CSMD3: variants seen among roughly 807,000 people sequenced by gnomAD.
The protein encoded by CSMD3 is CUB and Sushi multiple domains 3.
Under a neutral mutation model 435.2 loss-of-function variants are expected in CSMD3, and 177 were observed. The ratio of observed to expected loss-of-function variants is 0.41; its 90% confidence interval spans 0.36 to 0.46. The LOEUF is 0.46. Among genes scored for constraint, CSMD3 ranks in the 20% least tolerant of loss-of-function variants. The probability of loss-of-function intolerance (pLI) is 0.34; values close to 1 mark genes in which losing one functional copy is unlikely to be tolerated. For synonymous variants in CSMD3, 1,656 were observed against 1,520.5 expected, an observed-to-expected ratio of 1.09 and a Z score of -2.07; for missense variants, 4,265 against 4,504.6, an observed-to-expected ratio of 0.95 and a Z score of 1.52.
At chr8:112,293,928 T>G (rs1820016557) in intron 54 of CSMD3, among the ~76,000 whole-genome samples, 1 of 152,084 alleles carries the variant, frequency 6.6e-6, no homozygotes, top group African/African-American at 2.4e-5. Context: ...AAGAAACCAG[T>G]TTTACCCTAA....
At chr8:112,320,097 A>G in intron 45 of CSMD3, 116 bp from the exon 46 acceptor site, 1 of 694,472 alleles carries the variant, frequency 1.4e-6, no homozygotes, top group Non-Finnish European at 2.5e-6. Flanking sequence ...AAATTACATA[A>G]TTTATCAAGT....
intron 22 of CSMD3, among the ~76,000 whole-genome samples, chr8:112,620,866 C>T (rs1039345889): frequency 7.9e-5 from 12 of 152,218 alleles, no homozygotes; most frequent in African/African-American, 1.9e-4. Flanking sequence ...ATTCTCTTTT[C>T]GCCTCCTCAT....
At position 112,798,108 on chromosome 8, in the gene CSMD3, C is replaced by T. The variant is rs147490730; in HGVS notation, c.1972+2054G>A. ...GGTCTTCTGTGATGGGTAGAGCTAA[C>T]GAAGTCTTCATAGAAGAGTAAATAT... On this transcript the variant is annotated intron_variant, in intron 13 of 70. Transcript: ENST00000297405. Among the ~76,000 whole-genome samples the T allele has an allele frequency of 3.9e-3, 588 of 151,842 alleles. 5 individuals carry two copies. The highest frequency in any genetic ancestry group is 0.013 in the African/African-American group (560 of 41,490).
intron 13 of CSMD3, among the ~76,000 whole-genome samples, chr8:112,749,826 G>A (rs553124372): frequency 1.3e-5 from 2 of 151,186 alleles, no homozygotes; most frequent in Admixed American, 1.3e-4. Context: ...ATTATAACTA[G>A]AAGTTTTCTT....
At chr8:113,433,391 G>A (rs1426167536) in intron 1 of CSMD3, among the ~76,000 whole-genome samples, 1 of 152,124 alleles carries the variant, frequency 6.6e-6, no homozygotes, top group African/African-American at 2.4e-5. Flanking sequence ...CTGGGCGGGC[G>A]TCTGTAAAAG....
At chr8:112,953,383 T>C (rs950342399) in intron 8 of CSMD3, among the ~76,000 whole-genome samples, 3 of 151,468 alleles carry the variant, frequency 2.0e-5, no homozygotes, top group Non-Finnish European at 3.0e-5. Context: ...AAAAGTCATA[T>C]TGTAGCATTG....
chr8:113,316,468 T>A (rs1330070024), intron 1 of CSMD3, among the ~76,000 whole-genome samples: 1 of 152,134 alleles, frequency 6.6e-6, no homozygotes, highest in African/African-American at 2.4e-5. Flanking sequence ...TGATTTGGGA[T>A]GTTGTACATT....
intron 12 of CSMD3, among the ~76,000 whole-genome samples, chr8:112,816,398 G>T (rs2079375931): frequency 6.6e-6 from 1 of 152,074 alleles, no homozygotes; most frequent in African/African-American, 2.4e-5. Context: ...TATAACACAA[G>T]GGGCTAAGAA....
At chr8:113,427,441 G>A (rs1227972843) in intron 1 of CSMD3, among the ~76,000 whole-genome samples, 1 of 150,302 alleles carries the variant, frequency 6.7e-6, no homozygotes, top group Non-Finnish European at 1.5e-5. Context: ...TAGGCACAGT[G>A]GTCTCTCCAT....
chr8:112,545,668 T>C (rs1827123998), intron 27 of CSMD3, among the ~76,000 whole-genome samples: 1 of 151,932 alleles, frequency 6.6e-6, no homozygotes, highest in South Asian at 2.1e-4. Flanking sequence ...AGTTGAGAAA[T>C]AGATACAAGT....
chr8:112,289,683 G>A (rs553323137), intron 56 of CSMD3, 145 bp from the exon 57 acceptor site: 11 of 590,154 alleles, frequency 1.9e-5, no homozygotes, highest in Middle Eastern at 4.6e-4. Flanking sequence ...TGTTGAAGGT[G>A]TCTTTTTAAA....
At chr8:112,364,273 A>G (rs41467949) in intron 38 of CSMD3, among the ~76,000 whole-genome samples, 59,773 of 151,670 alleles carry the variant, frequency 0.39, 13,254 homozygotes, top group Middle Eastern at 0.54. Context: ...CAGATATTCC[A>G]GTTTTTCCTA....
At chr8:112,245,025 A>T (rs1247018806) in intron 64 of CSMD3, among the ~76,000 whole-genome samples, 2 of 151,880 alleles carry the variant, frequency 1.3e-5, no homozygotes, top group East Asian at 3.9e-4. Context: ...TATTATATTT[A>T]TTTTAAATTA....
chr8:112,400,050 T>C (rs2129902923), intron 35 of CSMD3, among the ~76,000 whole-genome samples: 1 of 152,306 alleles, frequency 6.6e-6, no homozygotes, highest in East Asian at 1.9e-4. Context: ...GCCACGTATT[T>C]AGGTTTTTGT....
intron 55 of CSMD3, among the ~76,000 whole-genome samples, chr8:112,291,937 C>T (rs1424932108): frequency 1.3e-5 from 2 of 151,776 alleles, no homozygotes; most frequent in East Asian, 1.9e-4. Flanking sequence ...GTAAGTATTG[C>T]GCTAAGTACG....
chr8:112,398,744 C>T (rs1456164621), intron 35 of CSMD3, among the ~76,000 whole-genome samples: 1 of 152,004 alleles, frequency 6.6e-6, no homozygotes, highest in Non-Finnish European at 1.5e-5. Flanking sequence ...GGATGGGTAG[C>T]CTGGATGATC....
intron 45 of CSMD3, among the ~76,000 whole-genome samples, chr8:112,328,685 A>T (rs1285356778): frequency 1.3e-5 from 2 of 151,962 alleles, no homozygotes; most frequent in Non-Finnish European, 2.9e-5. Flanking sequence ...GTGAGAGGGG[A>T]TTGGATCATG....
At chr8:112,591,333 A>T (rs1379452845) in intron 22 of CSMD3, among the ~76,000 whole-genome samples, 2 of 152,088 alleles carry the variant, frequency 1.3e-5, no homozygotes, top group African/African-American at 4.8e-5. Context: ...ATTTGATGAT[A>T]AGAGTCACTG....
intron 59 of CSMD3, among the ~76,000 whole-genome samples, chr8:112,269,171 G>A (rs570623614): frequency 1.1e-4 from 16 of 152,114 alleles, no homozygotes; most frequent in African/African-American, 2.4e-4. Flanking sequence ...TTTTATCTGC[G>A]CTCAGTTTTA....
Sources: gnomAD v4.1 joint callset for allele counts (sites outside exome capture counted in the v4.1 genomes callset) on GRCh38, gnomAD v4.1.1 for gene constraint, MANE v1.5 for transcripts, NCBI Gene and HGNC (gene_info 2026-07-23, HGNC 2026-07-21) for gene names.